The following ZBTB45 variants were observed in gnomAD, a reference collection of about 807,000 sequenced individuals.
The protein encoded by ZBTB45 is zinc finger and BTB domain containing 45.
A neutral mutation model predicts 28.4 loss-of-function variants in ZBTB45; 22 were observed. The observed-to-expected ratio is 0.77, with a 90% CI of 0.55 to 1.10. The LOEUF (loss-of-function observed/expected upper bound fraction) is 1.10, where lower values mean the gene tolerates loss of function less well. Ranked by LOEUF, ZBTB45 falls within the 50% of genes least tolerant of loss-of-function variation. The pLI, the probability that ZBTB45 is intolerant of heterozygous loss-of-function variation, is 0.00. For synonymous variants in ZBTB45, 361 were observed against 332.3 expected (o/e 1.09, Z -0.94); for missense variants, 656 against 750.2 (o/e 0.87, Z 1.47).
Position 58,516,925 on chromosome 19 carries a change from TCAG to T in ZBTB45, c.746_748del (p.Ala249del), listed in dbSNP as rs751309196. The T allele has an allele frequency of 4.3e-5, 70 of 1,613,110 alleles. No homozygotes were observed. The highest frequency in any genetic ancestry group is 1.6e-4 in the Middle Eastern group (1 of 6,082). ...TGCAGGGGGCTCCTCGCACGCGCTG[TCAG>T]CAGCAGCAGTGAGGAAGCCAGCAGC... On this transcript the variant is annotated inframe_deletion, in exon 2 of 3. Transcript: ENST00000594051. The surrounding 1 kb of genome is among the most constrained non-coding windows in gnomAD (Gnocchi z 6.2).
chr19:58,522,176 T>C (rs564596730), upstream of ZBTB45, among the ~76,000 whole-genome samples: 1,547 of 150,752 alleles, frequency 0.01, 27 homozygotes, highest in African/African-American at 0.035. Context: ...TTTTTTTTTT[T>C]CTGAGACAAA....
intron 1 of ZBTB45, among the ~76,000 whole-genome samples, chr19:58,530,227 A>ACACG (rs1397789400): frequency 1.3e-5 from 2 of 151,540 alleles, no homozygotes; most frequent in East Asian, 3.9e-4. Context: ...ACACACACAC[A>ACACG]CACACACACC....
upstream of ZBTB45, among the ~76,000 whole-genome samples, chr19:58,523,319 G>A (rs2053588321): frequency 6.6e-6 from 1 of 152,000 alleles, no homozygotes; most frequent in Non-Finnish European, 1.5e-5. Flanking sequence ...GCTTAGGCAG[G>A]TGGATCACCT....
At chr19:58,517,977 A>G (rs970062113) in intron 1 of ZBTB45, among the ~76,000 whole-genome samples, 1 of 151,860 alleles carries the variant, frequency 6.6e-6, no homozygotes, top group South Asian at 2.1e-4. Context: ...GAAAAGGTTC[A>G]GGCCTTGGCC....
At chr19:58,518,560 G>C (rs1437053758) in intron 1 of ZBTB45, among the ~76,000 whole-genome samples, 1 of 152,048 alleles carries the variant, frequency 6.6e-6, no homozygotes, top group Non-Finnish European at 1.5e-5. Context: ...TGTGTGACTG[G>C]ATAGCTGCCC....
At chr19:58,531,939 C>A (rs1305129471) in intron 1 of ZBTB45, among the ~76,000 whole-genome samples, 1 of 152,084 alleles carries the variant, frequency 6.6e-6, no homozygotes, top group Non-Finnish European at 1.5e-5. Flanking sequence ...CCTGTACAGT[C>A]CTTGAATCAG....
chr19:58,514,107 A>T lies in ZBTB45; in HGVS notation c.1483T>A (p.Phe495Ile). The T allele has an allele frequency of 6.3e-7, 1 of 1,598,726 alleles. No homozygotes were observed. Among genetic ancestry groups the T allele is most frequent in the Non-Finnish European group, 8.5e-7 (1 of 1,173,566 alleles). Residue 495 changes from phenylalanine (F) to isoleucine (I), a missense_variant, in exon 3 of 3, where the codon TTC (phenylalanine) becomes ATC (isoleucine). Physicochemically the swap from Phe to Ile is conservative, Grantham distance 21 (BLOSUM62 0). This residue lies in a region of ZBTB45 where 103 missense variants were observed against 153.5 expected (regional missense o/e 0.67). Coordinates refer to ENST00000594051, the MANE Select transcript of ZBTB45 (RefSeq NM_001316979.2). ...RAPCPACGKV[F>I]SHRALLERHL... Reference sequence around the variant, plus strand: ...CGCTCCAGCAGCGCGCGGTGCGAGAAGACCTTGCCGCAGGCGGGGCAGGGC... The same window carrying T: ...CGCTCCAGCAGCGCGCGGTGCGAGATGACCTTGCCGCAGGCGGGGCAGGGC...
At chr19:58,532,477 T>C (rs1318865218) in intron 1 of ZBTB45, among the ~76,000 whole-genome samples, 3 of 152,158 alleles carry the variant, frequency 2.0e-5, no homozygotes, top group African/African-American at 7.2e-5. Context: ...GCAGGCAAAG[T>C]AGGTTTCATT....
chr19:58,523,273 G>A (rs2053588073), upstream of ZBTB45, among the ~76,000 whole-genome samples: 1 of 150,684 alleles, frequency 6.6e-6, no homozygotes, highest in Non-Finnish European at 1.5e-5. Context: ...CGTCTGTGGT[G>A]GCGTCTGTAA....
chr19:58,524,063 CAA>C (rs529087016), upstream of ZBTB45, among the ~76,000 whole-genome samples: 13 of 73,204 alleles, frequency 1.8e-4, no homozygotes, highest in African/African-American at 8.0e-4. Flanking sequence ...GACTCTGTCT[CAA>C]AAAAAAAAAA....
At position 58,513,785 on chromosome 19, in the gene ZBTB45, C is replaced by G. The variant is rs922175496; in HGVS notation, c.*269G>C. The G allele has an allele frequency of 2.6e-6, 1 of 385,932 alleles. No homozygotes were observed. Among genetic ancestry groups the G allele is most frequent in the African/African-American group, 2.1e-5 (1 of 48,072 alleles). The allele number at this position is 385,932 out of a possible 1,614,324, so 23.9% of individuals were successfully genotyped here. ...TGGGCCGGGTCCAAGCGCCTGAGCG[C>G]CCGGTTTACGCAGGAAATAGTCCAG... On this transcript the variant is annotated 3_prime_UTR_variant, in exon 3 of 3. Transcript: ENST00000594051.
chr19:58,527,785 A>G (rs554167201), intron 1 of ZBTB45, among the ~76,000 whole-genome samples: 1 of 152,162 alleles, frequency 6.6e-6, no homozygotes, highest in South Asian at 2.1e-4. Context: ...CCTCTTTACA[A>G]GGGCTGCTCT....
In ZBTB45 at chr19:58,516,973, G is replaced by C; in HGVS notation, c.701C>G (p.Pro234Arg). The C allele has an allele frequency of 1.9e-6, 3 of 1,613,268 alleles. No homozygotes were observed. The highest frequency in any genetic ancestry group is 2.5e-6 in the Non-Finnish European group (3 of 1,180,018). Reference protein sequence around the residue: ...EGGGPGEGQAPPSFPDCAAGF... With the variant: ...EGGGPGEGQARPSFPDCAAGF... ...AGCAGCACAGTCTGGGAAGGAAGGAGGTGCCTGGCCCTCGCCTGGGCCGCC... is the reference window on the plus strand; with the variant it reads ...AGCAGCACAGTCTGGGAAGGAAGGACGTGCCTGGCCCTCGCCTGGGCCGCC... The change falls in exon 2 of 3, where the codon CCT becomes CGT. Residue 234 changes from proline to arginine, a missense_variant. By Grantham distance (103) the Pro-to-Arg change is moderately radical. Coordinates refer to ENST00000594051, the MANE Select transcript of ZBTB45 (RefSeq NM_001316979.2). This position sits in a 1 kb window ranked among gnomAD's most constrained non-coding sequence, Gnocchi z 6.2.
At chr19:58,531,741 C>T (rs2053636600) in intron 1 of ZBTB45, among the ~76,000 whole-genome samples, 1 of 152,140 alleles carries the variant, frequency 6.6e-6, no homozygotes. Context: ...CTTAAGGACT[C>T]ATGGGTAGTG....
chr19:58,517,040 C>T lies in ZBTB45; in HGVS notation c.634G>A (p.Glu212Lys), dbSNP rs763909783. 5.0e-6 allele frequency: 8 copies of T among 1,613,126 alleles called. No individual in the cohort carries two copies. The highest frequency in any genetic ancestry group is 1.1e-5 in the South Asian group (1 of 91,090). The part of the protein sequence containing the change: ...APDDRGDEDD[E>K]ESDDETDGED... Reference sequence around the variant, plus strand: ...CCATCGGTCTCATCGTCACTTTCCTCGTCATCCTCGTCACCTCGGTCATCA... The same window carrying T: ...CCATCGGTCTCATCGTCACTTTCCTTGTCATCCTCGTCACCTCGGTCATCA... The change falls in exon 2 of 3, where the codon GAG (glutamate) becomes AAG (lysine). Residue 212 changes from glutamate (E) to lysine (K), a missense_variant. By Grantham distance (56) the Glu-to-Lys change is moderately conservative. Around this residue, in one of 3 missense-constraint regions of ZBTB45, gnomAD observed 448 missense variants for 444.3 expected, o/e 1.01. Transcript: ENST00000594051.
At chr19:58,538,693 A>C (rs1004466464) in intron 1 of ZBTB45, 1 of 152,022 alleles carries the variant, frequency 6.6e-6, no homozygotes, top group Non-Finnish European at 1.5e-5. Context: ...CCGGCTAGCC[A>C]CCTTTACCTG....
At chr19:58,523,970 A>G (rs2053592006), upstream of ZBTB45, among the ~76,000 whole-genome samples, 1 of 139,030 alleles carries the variant, frequency 7.2e-6, no homozygotes, top group Non-Finnish European at 1.5e-5. Context: ...GCTACTTGGG[A>G]GGCTGAAGCA....
chr19:58,515,188 C>G lies in ZBTB45; in HGVS notation c.1280-878G>C, dbSNP rs1479520680. The stretch of plus-strand genomic sequence containing the variant: ...AAAAATAGCCGGGTGTGGTGGTGCA[C>G]GCCTGTAATCCCAGCTACTTGGGAG... On this transcript the variant is annotated intron_variant, in intron 2 of 2. Transcript: ENST00000594051. This position sits in a 1 kb window ranked among gnomAD's most constrained non-coding sequence, Gnocchi z 4.7. 6.6e-6 allele frequency among the ~76,000 whole-genome samples: 1 copy of G among 151,896 alleles called. No individual in the cohort carries two copies. Among genetic ancestry groups the G allele is most frequent in the Non-Finnish European group, 1.5e-5 (1 of 67,972 alleles).
Position 58,513,919 on chromosome 19 carries a change from G to C in ZBTB45, c.*135C>G. On this transcript the variant is annotated 3_prime_UTR_variant, in exon 3 of 3. Transcript: ENST00000594051. ...GACTTAGGCCCTGGTATGGAGAAAGGGTGAAGGGAGAGAGAGGACCTGCGC... is the reference window on the plus strand; with the variant it reads ...GACTTAGGCCCTGGTATGGAGAAAGCGTGAAGGGAGAGAGAGGACCTGCGC... 9.0e-7 allele frequency: 1 copy of C among 1,105,562 alleles called. No individual in the cohort carries two copies. The highest frequency in any genetic ancestry group is 1.2e-6 in the Non-Finnish European group (1 of 838,466). The allele number at this position is 1,105,562 out of a possible 1,614,324, so 68.5% of individuals were successfully genotyped here.
Sources: gnomAD v4.1 joint callset for allele counts (sites outside exome capture counted in the v4.1 genomes callset) on GRCh38, gnomAD v4.1.1 for gene constraint, gnomAD v4.1.1 regional missense constraint, Gnocchi (gnomAD v3.1) non-coding constraint, MANE v1.5 for transcripts, NCBI Gene and HGNC (gene_info 2026-07-23, HGNC 2026-07-21) for gene names.